IPO9: variants seen among roughly 807,000 people sequenced by gnomAD.
IPO9 encodes the protein importin 9.
Under a neutral mutation model 128.6 loss-of-function variants are expected in IPO9, and 28 were observed. The observed-to-expected ratio is 0.22, with a 90% CI of 0.16 to 0.30. The LOEUF is 0.30. Among genes scored for constraint, IPO9 ranks in the 10% least tolerant of loss-of-function variants. IPO9 has a pLI of 1.00. For synonymous variants in IPO9, 455 were observed against 475.8 expected, an observed-to-expected ratio of 0.96 and a Z score of 0.57; for missense variants, 935 against 1,293.9, an observed-to-expected ratio of 0.72 and a Z score of 4.26.
Position 201,881,183 on chromosome 1 carries a change from C to A in IPO9, c.*5129C>A, listed in dbSNP as rs1558228554. ...GGGTAAGTTGCATGGAGAAGGCAACCCTTGAACACTTGCAAGGAGCTAACA... is the reference window on the plus strand; with the variant it reads ...GGGTAAGTTGCATGGAGAAGGCAACACTTGAACACTTGCAAGGAGCTAACA... On this transcript the variant is annotated 3_prime_UTR_variant, in exon 24 of 24. Coordinates refer to ENST00000361565, the MANE Select transcript of IPO9 (RefSeq NM_018085.5). The A allele has an allele frequency of 1.3e-5, 2 of 152,068 alleles. No individual in the cohort carries two copies. Among genetic ancestry groups the A allele is most frequent in the Non-Finnish European group, 2.9e-5 (2 of 68,022 alleles). 9.4% of individuals were successfully genotyped at this position (152,068 alleles called of 1,614,324 possible).
In IPO9 at chr1:201,834,203, TTTTC is replaced by T. The variant is rs375311834; in HGVS notation, c.163+4835_163+4838del. 7.2e-4 allele frequency among the ~76,000 whole-genome samples: 92 copies of T among 127,690 alleles called. 1 individual carries two copies. The highest frequency in any genetic ancestry group is 3.9e-3 in the Middle Eastern group (1 of 258). 83.8% of individuals were successfully genotyped at this position (127,690 alleles called of 152,430 possible). ...ATTCGTTAGAGTAAAAAAACTTTTC[TTTTC>T]TTTTTTTTTTTTGTTGCACTGCTAA... On this transcript the variant is annotated intron_variant, in intron 1 of 23. Transcript: ENST00000361565.
rs1680645418 is a variant in IPO9, at chr1:201,871,212, T to C, written c.2461T>C (p.Leu821=). ...GGTGCACACTCAGCTAGAACCTCTC[T>C]TGGAGTTCCTGTGTAGCCTCCCAGG... is the stretch of plus-strand genomic sequence containing the variant. ...HLVHTQLEPL[L]EFLCSLPGPT... is the part of the protein sequence containing the mutation. The change falls in exon 19 of 24, where the codon TTG becomes CTG. Residue 821 remains leucine (L), a synonymous_variant. Coordinates refer to ENST00000361565, the MANE Select transcript of IPO9 (RefSeq NM_018085.5). 1.2e-6 allele frequency: 2 copies of C among 1,613,930 alleles called. No individual in the cohort carries two copies. Among genetic ancestry groups the C allele is most frequent in the Non-Finnish European group, 1.7e-6 (2 of 1,180,016 alleles).
rs749382752 is a variant in IPO9 at position 201,838,594 on chromosome 1, T to C, written c.164-8685T>C. On this transcript the variant is annotated intron_variant, in intron 1 of 23. Transcript: ENST00000361565. ...GATTGTGCAAGTTTCAAGTGTTTGCTTGTGATTTAATCATTTAATAACTCT... is the reference window on the plus strand; with the variant it reads ...GATTGTGCAAGTTTCAAGTGTTTGCCTGTGATTTAATCATTTAATAACTCT... Among the ~76,000 whole-genome samples the C allele has an allele frequency of 1.5e-4, 23 of 152,308 alleles. No individual in the cohort carries two copies. The East Asian group carries it at 1.5e-3, about 10-fold the overall frequency.
chr1:201,866,683 C>A, intron 14 of IPO9, 50 bp from the exon 15 acceptor site: 1 of 1,389,650 alleles, frequency 7.2e-7, no homozygotes, highest in Non-Finnish European at 1.0e-6. Flanking sequence ...ATTGGGAAAA[C>A]CAGGAATTGA....
At chr1:201,860,534 TTA>T (rs1293030997) in intron 13 of IPO9, among the ~76,000 whole-genome samples, 5 of 152,188 alleles carry the variant, frequency 3.3e-5, no homozygotes, top group African/African-American at 1.2e-4. Context: ...AACACATTTC[TTA>T]TAGAGTTTAC....
At chr1:201,831,257 G>A (rs552486635) in intron 1 of IPO9, among the ~76,000 whole-genome samples, 8 of 152,204 alleles carry the variant, frequency 5.3e-5, no homozygotes, top group African/African-American at 1.9e-4. Flanking sequence ...ACTGCCCCCC[G>A]ACCCCCATAA....
At position 201,883,181 on chromosome 1, in the gene IPO9, C is replaced by A. The variant is rs1412557527; in HGVS notation, c.*7127C>A. ...TTGCTTTCACTAGATTCCCCCCCCCCCAACAACTTAGTCCAAGAACATACC... is the reference window on the plus strand; with the variant it reads ...TTGCTTTCACTAGATTCCCCCCCCCACAACAACTTAGTCCAAGAACATACC... On this transcript the variant is annotated 3_prime_UTR_variant, in exon 24 of 24. Transcript: ENST00000361565. The A allele has an allele frequency of 6.7e-6, 1 of 149,282 alleles. No homozygotes were observed. Among genetic ancestry groups the A allele is most frequent in the Non-Finnish European group, 1.5e-5 (1 of 67,156 alleles). The allele number at this position is 149,282 out of a possible 1,614,324, so 9.2% of individuals were successfully genotyped here. A position where few individuals can be genotyped will look rare whatever the true frequency, so the allele number is the denominator to read the frequency against.
Position 201,866,721 on chromosome 1 carries a change from A to C in IPO9, c.1629-12A>C, listed in dbSNP as rs1200028194. 3 of 1,591,860 alleles carry C rather than the reference A, an allele frequency of 1.9e-6. No individual in the cohort carries two copies. Among genetic ancestry groups the C allele is most frequent in the Admixed American group, 1.7e-5 (1 of 59,866 alleles). On this transcript the variant is annotated splice_polypyrimidine_tract_variant and intron_variant, in intron 14 of 23. Coordinates refer to ENST00000361565, the MANE Select transcript of IPO9 (RefSeq NM_018085.5). ...TTTTTTTAATAATTCTTGCTTATCT[A>C]TCTCTCTCTAGTTATTGTGACCAAC...
chr1:201,858,561 T>G lies in IPO9; in HGVS notation c.1328+8T>G. 1 of 1,479,702 alleles carries G rather than the reference T, an allele frequency of 6.8e-7. No individual in the cohort carries two copies. Among genetic ancestry groups the G allele is most frequent in the South Asian group, 1.3e-5 (1 of 77,144 alleles). 91.7% of individuals were successfully genotyped at this position (1,479,702 alleles called of 1,614,324 possible). On this transcript the variant is annotated splice_region_variant and intron_variant, in intron 12 of 23. Transcript: ENST00000361565. Reference sequence around the variant, plus strand: ...CAGTGGCACTGAGCACTGGTAAGAGTGAGCCGCTAATTGGTTAAGATGCTT... The same window carrying G: ...CAGTGGCACTGAGCACTGGTAAGAGGGAGCCGCTAATTGGTTAAGATGCTT...
chr1:201,845,711 CT>C (rs1224453727), intron 1 of IPO9, among the ~76,000 whole-genome samples: 2 of 152,108 alleles, frequency 1.3e-5, no homozygotes, highest in Admixed American at 6.5e-5. Flanking sequence ...ATATTTTCCT[CT>C]TTTTTTCACA....
At chr1:201,858,708 C>A in intron 12 of IPO9, 147 bp from the exon 13 acceptor site, 1 of 850,880 alleles carries the variant, frequency 1.2e-6, no homozygotes, top group Non-Finnish European at 1.7e-6. Flanking sequence ...CTCTTTTCAG[C>A]TATAGGTTAG....
intron 1 of IPO9, among the ~76,000 whole-genome samples, chr1:201,844,541 T>G (rs2102872659): frequency 6.6e-6 from 1 of 152,304 alleles, no homozygotes; most frequent in African/African-American, 2.4e-5. Context: ...CAAGTCTAGT[T>G]TAGTTAATAG....
chr1:201,872,878 A>C lies in IPO9; in HGVS notation c.2627A>C (p.Lys876Thr). Residue 876 changes from lysine (K) to threonine (T), a missense_variant, in exon 20 of 24, where the codon AAA becomes ACA. Lys to Thr is a moderately conservative substitution (Grantham distance 78). Transcript: ENST00000361565. ...CAGCATGGCATCAATGCAGATGACA[A>C]ACGGCTACAGGATATCCGTGTGAAG... ...LLQHGINADD[K>T]RLQDIRVKGE... The C allele has an allele frequency of 6.2e-7, 1 of 1,613,996 alleles. No homozygotes were observed. Among genetic ancestry groups the C allele is most frequent in the Non-Finnish European group, 8.5e-7 (1 of 1,179,964 alleles).
intron 18 of IPO9, 83 bp from the exon 19 acceptor site, chr1:201,871,075 TTTC>T: frequency 7.2e-7 from 1 of 1,394,942 alleles, no homozygotes; most frequent in Non-Finnish European, 9.9e-7. Context: ...GTAGACTGTA[TTTC>T]TTATCTGACT....
intron 1 of IPO9, among the ~76,000 whole-genome samples, chr1:201,845,141 C>T (rs1012418473): frequency 1.3e-5 from 2 of 152,006 alleles, no homozygotes; most frequent in Admixed American, 6.5e-5. Context: ...CTCAGCCTCT[C>T]GAGTAGCTGG....
Position 201,870,016 on chromosome 1 carries a change from A to G in IPO9, c.2133+298A>G, listed in dbSNP as rs1167294498. On this transcript the variant is annotated intron_variant, in intron 17 of 23. Transcript: ENST00000361565. The surrounding 1 kb of genome is among the most constrained non-coding windows in gnomAD (Gnocchi z 4.9). ...TGGGGCCATAAGAAAGTCTTTCTGC[A>G]TATTTCTTCTAGTAATAAAGTCAGC... Among the ~76,000 whole-genome samples the G allele has an allele frequency of 6.6e-6, 1 of 152,214 alleles. No homozygotes were observed. Among genetic ancestry groups the G allele is most frequent in the South Asian group, 2.1e-4 (1 of 4,834 alleles).
chr1:201,859,129 A>G (rs1324652005), intron 13 of IPO9, 135 bp downstream of exon 13: 2 of 589,280 alleles, frequency 3.4e-6, no homozygotes, highest in Non-Finnish European at 5.4e-6. Context: ...TGGCACATGT[A>G]TACATATGTA....
intron 1 of IPO9, among the ~76,000 whole-genome samples, chr1:201,842,373 A>G (rs1054288511): frequency 1.3e-5 from 2 of 152,150 alleles, no homozygotes; most frequent in African/African-American, 4.8e-5. Flanking sequence ...TCATTACCCT[A>G]CCATGATTGA....
chr1:201,847,767 A>G (rs950020178), intron 3 of IPO9, 129 bp downstream of exon 3: 1 of 689,340 alleles, frequency 1.5e-6, no homozygotes, highest in African/African-American at 1.8e-5. Context: ...GGTGGCTGGC[A>G]TTGCGGGCAT....
Sources: gnomAD v4.1 joint callset for allele counts (sites outside exome capture counted in the v4.1 genomes callset) on GRCh38, gnomAD v4.1.1 for gene constraint, Gnocchi (gnomAD v3.1) non-coding constraint, MANE v1.5 for transcripts, NCBI Gene and HGNC (gene_info 2026-07-23, HGNC 2026-07-21) for gene names.